The following MEAK7 variants were observed in gnomAD, a reference collection of about 807,000 sequenced individuals.
MEAK7 encodes MTOR-associated protein MEAK7.
In MEAK7, 68 loss-of-function variants were observed where a neutral mutation model predicts 40.5. The observed-to-expected ratio is 1.68, with a 90% CI of 1.38 to 2.06. The LOEUF (loss-of-function observed/expected upper bound fraction) is 2.06, where lower values mean the gene tolerates loss of function less well. Ranked by LOEUF, MEAK7 falls within the 30% of genes most tolerant of loss-of-function variation. MEAK7 has a pLI of 0.00. For synonymous variants in MEAK7, 338 were observed against 231.9 expected (o/e 1.46, Z -4.16); for missense variants, 918 against 580.5 (o/e 1.58, Z -5.98).
chr16:84,503,851 T>C, intron 1 of MEAK7: 1 of 845,114 alleles, frequency 1.2e-6, no homozygotes, highest in South Asian at 5.4e-5. Context: ...TGCTCAGAGC[T>C]TCTCCAACAG....
chr16:84,504,354 C>T (rs1009966450), intron 1 of MEAK7, among the ~76,000 whole-genome samples: 3 of 152,144 alleles, frequency 2.0e-5, no homozygotes, highest in Non-Finnish European at 4.4e-5. Flanking sequence ...ACATAAACAG[C>T]GGGAGGTGCA....
intron 3 of MEAK7, among the ~76,000 whole-genome samples, chr16:84,492,569 T>TTTATTTATTTATTTA (rs112860791): frequency 1.4e-5 from 2 of 146,702 alleles, no homozygotes; most frequent in Non-Finnish European, 3.0e-5. Flanking sequence ...AAGTGTTTTA[T>TTTATTTATTTATTTA]TTTATTTATT....
At position 84,479,692 on chromosome 16, in the gene MEAK7, G is replaced by GC. The variant is rs987584506; in HGVS notation, c.*220_*221insG. ...GAGATCCTGAGGGTGACCCTGTAGG[G>GC]AAAAAAAGAAAACTTAAAAAACATC... On this transcript the variant is annotated 3_prime_UTR_variant, in exon 8 of 8. Transcript: ENST00000343629. The GC allele has an allele frequency of 2.5e-5, 10 of 394,042 alleles. No homozygotes were observed. The highest frequency in any genetic ancestry group is 6.2e-5 in the African/African-American group (3 of 48,604). 24.4% of individuals were successfully genotyped at this position (394,042 alleles called of 1,614,324 possible). A position where few individuals can be genotyped will look rare whatever the true frequency, so the allele number is the denominator to read the frequency against.
chr16:84,484,129 A>G (rs573261888), intron 5 of MEAK7, among the ~76,000 whole-genome samples: 1 of 152,304 alleles, frequency 6.6e-6, no homozygotes, highest in East Asian at 1.9e-4. Context: ...GCAAGGTCGC[A>G]GGGCCACAGA....
rs571513986 is a variant in MEAK7 at position 84,479,744 on chromosome 16, C to G, written c.*169G>C. ...ATTTCTGGGAGATCCACCCATGAGTCAGGACATGGCTTCAGAGGGCGTCTT... is the reference window on the plus strand; with the variant it reads ...ATTTCTGGGAGATCCACCCATGAGTGAGGACATGGCTTCAGAGGGCGTCTT... On this transcript the variant is annotated 3_prime_UTR_variant, in exon 8 of 8. Transcript: ENST00000343629. 359 of 436,072 alleles carry G rather than the reference C, an allele frequency of 8.2e-4. 2 individuals are homozygous for G. Among genetic ancestry groups the G allele is most frequent in the Non-Finnish European group, 1.3e-3 (325 of 242,474 alleles). The allele number at this position is 436,072 out of a possible 1,614,324, so 27.0% of individuals were successfully genotyped here. A position where few individuals can be genotyped will look rare whatever the true frequency, so the allele number is the denominator to read the frequency against.
rs761142695 is a variant in MEAK7, at chr16:84,495,831, G to C, written c.236C>G (p.Ala79Gly). 1 of 1,613,884 alleles carries C rather than the reference G, an allele frequency of 6.2e-7. No homozygotes were observed. The highest frequency in any genetic ancestry group is 1.7e-5 in the Admixed American group (1 of 59,968). ...GGACACGTTCTCACTGGGTCCCTTC[G>C]CCTTCCCTGTCAGGTCGACCCTCCG... Reference protein sequence around the residue: ...GMRRVDLTGKAKGPSENVSQE... With the variant: ...GMRRVDLTGKGKGPSENVSQE... The change falls in exon 3 of 8, where the codon GCG (alanine) becomes GGG (glycine). Residue 79 changes from alanine to glycine, a missense_variant. Coordinates refer to ENST00000343629, the MANE Select transcript of MEAK7 (RefSeq NM_020947.4).
At chr16:84,488,479 C>A (rs1451088053) in intron 4 of MEAK7, 1 of 152,002 alleles carries the variant, frequency 6.6e-6, no homozygotes, top group African/African-American at 2.4e-5. Flanking sequence ...CACCCAACAA[C>A]AGAATACACA....
chr16:84,482,899 G>A (rs1190365297), intron 5 of MEAK7, among the ~76,000 whole-genome samples, 189 bp from the exon 6 acceptor site: 1 of 152,160 alleles, frequency 6.6e-6, no homozygotes, highest in African/African-American at 2.4e-5. Flanking sequence ...GGGGATGCAG[G>A]GATTAGAGGG....
chr16:84,492,194 A>G (rs1435537831), intron 3 of MEAK7, among the ~76,000 whole-genome samples: 1 of 152,222 alleles, frequency 6.6e-6, no homozygotes, highest in Non-Finnish European at 1.5e-5. Context: ...GGTTCTCTGT[A>G]AATTAAATAT....
chr16:84,480,544 G>C lies in MEAK7; in HGVS notation c.1242C>G (p.Pro414=), dbSNP rs765983409. The change falls in exon 7 of 8, where the codon CCC becomes CCG. Residue 414 remains proline, a synonymous_variant. Transcript: ENST00000343629. ...CTCCACTCACCAACTGCTCCTCTGA[G>C]GGGTCTCCAACCGCCCACACCTCCA... ...DKMEVWAVGD[P]SEEQLAKGNK... 1 of 1,611,440 alleles carries C rather than the reference G, an allele frequency of 6.2e-7. No homozygotes were observed. The highest frequency in any genetic ancestry group is 1.1e-5 in the South Asian group (1 of 90,724).
At chr16:84,494,363 C>A (rs1913870286) in intron 3 of MEAK7, among the ~76,000 whole-genome samples, 1 of 152,150 alleles carries the variant, frequency 6.6e-6, no homozygotes, top group Non-Finnish European at 1.5e-5. Context: ...ACAATTTGGA[C>A]TGAACCCTAG....
At position 84,480,531 on chromosome 16, in the gene MEAK7, A is replaced by G. The variant is rs1187199680; in HGVS notation, c.1255T>C (p.Leu419=). The G allele has an allele frequency of 2.5e-6, 4 of 1,606,272 alleles. No homozygotes were observed. The highest frequency in any genetic ancestry group is 1.3e-5 in the African/African-American group (1 of 74,650). ...ATGCAGAGGACAGCTCCACTCACCA[A>G]CTGCTCCTCTGAGGGGTCTCCAACC... ...WAVGDPSEEQ[L]AKGNKSILDA... Residue 419 remains leucine (L), a splice_region_variant and synonymous_variant, in exon 7 of 8, where the codon TTG becomes CTG. Transcript: ENST00000343629.
chr16:84,480,520 TC>T lies in MEAK7; in HGVS notation c.1257+8del. 1.2e-6 allele frequency: 2 copies of T among 1,601,752 alleles called. No homozygotes were observed. The highest frequency in any genetic ancestry group is 1.7e-6 in the Non-Finnish European group (2 of 1,174,362). The stretch of plus-strand genomic sequence containing the variant: ...GCCATCCTGGGATGCAGAGGACAGC[TC>T]CACTCACCAACTGCTCCTCTGAGGG... On this transcript the variant is annotated splice_region_variant and intron_variant, in intron 7 of 7. Transcript: ENST00000343629.
At chr16:84,487,670 G>A (rs775476485) in intron 4 of MEAK7, 1 of 153,280 alleles carries the variant, frequency 6.5e-6, no homozygotes, top group Non-Finnish European at 1.5e-5. Flanking sequence ...CCACTAATCA[G>A]GCTTAATCAT....
At position 84,479,453 on chromosome 16, in the gene MEAK7, GCCAGCGGAA is replaced by G. The variant is rs1912308398; in HGVS notation, c.*451_*459del. The G allele has an allele frequency of 7.4e-6, 1 of 135,902 alleles. No individual in the cohort carries two copies. The highest frequency in any genetic ancestry group is 2.8e-5 in the African/African-American group (1 of 35,180). 8.4% of individuals were successfully genotyped at this position (135,902 alleles called of 1,614,324 possible). ...CCTAATGCCAGCGGAATTCCCTAAT[GCCAGCGGAA>G]TTCCCTAATGCCAGCGGAATTCCCT... On this transcript the variant is annotated 3_prime_UTR_variant, in exon 8 of 8. Transcript: ENST00000343629.
At chr16:84,497,031 A>G in intron 2 of MEAK7, 1 of 166,246 alleles carries the variant, frequency 6.0e-6, no homozygotes, top group South Asian at 1.5e-4. Flanking sequence ...TTTTATTTAA[A>G]TTTAGGTTTT....
chr16:84,499,300 C>A (rs192724570), intron 1 of MEAK7, among the ~76,000 whole-genome samples: 266 of 152,274 alleles, frequency 1.7e-3, no homozygotes, highest in Admixed American at 3.8e-3. Flanking sequence ...GGACTTTTTC[C>A]GGAAACCCAG....
In MEAK7 at chr16:84,497,434, C is replaced by A. The variant is rs753574827; in HGVS notation, c.153+500G>T. On this transcript the variant is annotated intron_variant, in intron 2 of 7. Coordinates refer to ENST00000343629, the MANE Select transcript of MEAK7 (RefSeq NM_020947.4). ...AAACACATACACATTCTAGAGGCAA[C>A]GGTGCACCTGACACGTCATGGTTCC... 1.4e-5 allele frequency: 18 copies of A among 1,288,498 alleles called. No homozygotes were observed. In the South Asian group the frequency reaches 2.0e-4, roughly 14 times the overall value. The allele number at this position is 1,288,498 out of a possible 1,614,324, so 79.8% of individuals were successfully genotyped here. A position where few individuals can be genotyped will look rare whatever the true frequency, so the allele number is the denominator to read the frequency against.
intron 2 of MEAK7, 72 bp downstream of exon 2, chr16:84,497,862 T>A (rs182128140): frequency 1.3e-6 from 2 of 1,596,844 alleles, no homozygotes; most frequent in Non-Finnish European, 1.7e-6. Context: ...CGAAAGCAGA[T>A]TCTGGCCTGA....
Sources: allele counts gnomAD v4.1 joint callset (sites outside exome capture counted in the v4.1 genomes callset), GRCh38; gene constraint gnomAD v4.1.1; transcripts MANE v1.5; gene names NCBI Gene and HGNC (gene_info 2026-07-23, HGNC 2026-07-21).